PDE1C: variants seen among roughly 807,000 people sequenced by gnomAD.
PDE1C encodes dual specificity calcium/calmodulin-dependent 3',5'-cyclic nucleotide phosphodiesterase 1C.
PDE1C carries 62 observed loss-of-function variants against 93.1 expected under a neutral mutation model. That is an observed-to-expected ratio of 0.67 (90% CI 0.54 to 0.82). The LOEUF is 0.82. Among genes scored for constraint, PDE1C ranks in the 40% least tolerant of loss-of-function variants. The probability of loss-of-function intolerance (pLI) is 0.00; values close to 1 mark genes in which losing one functional copy is unlikely to be tolerated. For synonymous variants in PDE1C, 325 were observed against 310.1 expected (o/e 1.05, Z -0.50); for missense variants, 742 against 884.6 (o/e 0.84, Z 2.04).
chr7:31,919,037 A>T (rs1802284582), intron 2 of PDE1C, among the ~76,000 whole-genome samples: 1 of 152,228 alleles, frequency 6.6e-6, no homozygotes, highest in African/African-American at 2.4e-5. Context: ...TAAATAAATC[A>T]TATTAAGGCA....
At chr7:32,152,744 T>C (rs1442340253) in intron 3 of PDE1C, among the ~76,000 whole-genome samples, 1 of 152,128 alleles carries the variant, frequency 6.6e-6, no homozygotes, top group African/African-American at 2.4e-5. Context: ...AATAGTGATG[T>C]GGGTAAATAA....
chr7:32,070,716 T>TA (rs1189825605), upstream of PDE1C: 10 of 1,170,032 alleles, frequency 8.5e-6, no homozygotes, highest in Non-Finnish European at 1.1e-5. Flanking sequence ...ACCTCGGGTC[T>TA]ATTCGTATTC....
At chr7:31,746,403 A>T (rs79342550), downstream of PDE1C, among the ~76,000 whole-genome samples, 17,834 of 152,200 alleles carry the variant, frequency 0.12, 1,386 homozygotes, top group East Asian at 0.34. Flanking sequence ...GCAGGAGAAT[A>T]TGGGAGTGAC....
chr7:31,754,749 G>A (rs1384765833), intron 17 of PDE1C, among the ~76,000 whole-genome samples: 1 of 152,172 alleles, frequency 6.6e-6, no homozygotes, highest in African/African-American at 2.4e-5. Flanking sequence ...AGGAGGGATG[G>A]TTAAATAGGT....
At chr7:32,239,006 C>G (rs116769301) in intron 1 of PDE1C, among the ~76,000 whole-genome samples, 2,086 of 152,266 alleles carry the variant, frequency 0.014, 53 homozygotes, top group African/African-American at 0.047. Flanking sequence ...GTAGCTCATG[C>G]CTGTAATACC....
At chr7:31,925,009 T>C (rs552039615) in intron 2 of PDE1C, among the ~76,000 whole-genome samples, 9 of 151,956 alleles carry the variant, frequency 5.9e-5, no homozygotes, top group African/African-American at 1.9e-4. Context: ...AATGTATTCC[T>C]ATCCTTGAAG....
chr7:32,002,014 G>A lies in PDE1C; in HGVS notation c.128+49540C>T, dbSNP rs561376199. 5.9e-5 allele frequency among the ~76,000 whole-genome samples: 9 copies of A among 152,202 alleles called. No homozygotes were observed. In the South Asian group the frequency reaches 1.0e-3, roughly 18 times the overall value. On this transcript the variant is annotated intron_variant, in intron 2 of 17. Coordinates refer to ENST00000396191, the MANE Select transcript of PDE1C (RefSeq NM_001191057.4). ...GTGGAGGTTGCAGTGAGCTGAGATC[G>A]TGCCACTACACTCCAGCCTGGGTGA... is the stretch of plus-strand genomic sequence containing the variant.
At chr7:31,914,306 A>G (rs925708949) in intron 2 of PDE1C, among the ~76,000 whole-genome samples, 1 of 152,230 alleles carries the variant, frequency 6.6e-6, no homozygotes, top group Non-Finnish European at 1.5e-5. Flanking sequence ...CAAATATAAT[A>G]GCTTGAATTA....
At chr7:32,171,356 A>C (rs1469236438) in intron 2 of PDE1C, among the ~76,000 whole-genome samples, 2 of 151,944 alleles carry the variant, frequency 1.3e-5, no homozygotes, top group African/African-American at 4.8e-5. Context: ...CTGAGCCTCC[A>C]TATCCATGGG....
intron 6 of PDE1C, among the ~76,000 whole-genome samples, chr7:31,867,383 C>A (rs1340657292): frequency 6.6e-6 from 1 of 152,152 alleles, no homozygotes; most frequent in African/African-American, 2.4e-5. Flanking sequence ...CAGTTCCACA[C>A]CTTCCAGTGC....
chr7:31,735,012 A>G, the PDE1C span, among the ~76,000 whole-genome samples: 1 of 152,220 alleles, frequency 6.6e-6, no homozygotes. Context: ...CTGGGAGCTC[A>G]TTACAAATGC....
intron 16 of PDE1C, chr7:31,785,690 GC>G (rs1257455623): frequency 6.6e-6 from 1 of 152,070 alleles, no homozygotes; most frequent in African/African-American, 2.4e-5. Context: ...ATCTTTAGAG[GC>G]CTGCTTCCCA....
intron 3 of PDE1C, among the ~76,000 whole-genome samples, chr7:32,136,344 T>C (rs1800208497): frequency 1.3e-5 from 2 of 148,492 alleles, no homozygotes; most frequent in Admixed American, 1.3e-4. Flanking sequence ...TTTTATTTAT[T>C]TATTTATTTA....
At chr7:31,864,871 T>C in intron 7 of PDE1C, 71 bp downstream of exon 7, 1 of 1,470,078 alleles carries the variant, frequency 6.8e-7, no homozygotes, top group East Asian at 2.3e-5. Flanking sequence ...CTCATCAGAA[T>C]TGGAACAGTC....
the PDE1C span, chr7:31,643,947 A>C: frequency 1.0e-5 from 16 of 1,607,872 alleles, no homozygotes; most frequent in Non-Finnish European, 3.4e-6. Flanking sequence ...TGAGGGAGCT[A>C]TGTTCCGTAA....
At chr7:32,268,615 CAA>C (rs945810405) in intron 1 of PDE1C, among the ~76,000 whole-genome samples, 2 of 151,690 alleles carry the variant, frequency 1.3e-5, no homozygotes, top group Non-Finnish European at 2.9e-5. Flanking sequence ...CAGAGAGGCT[CAA>C]AGAGAAAATG....
chr7:31,894,355 G>C (rs983408747), intron 2 of PDE1C, among the ~76,000 whole-genome samples: 5 of 152,254 alleles, frequency 3.3e-5, no homozygotes, highest in African/African-American at 1.2e-4. Flanking sequence ...AGCTCAGACA[G>C]CTGTGACACC....
At chr7:32,185,653 T>C (rs1803802111) in intron 2 of PDE1C, among the ~76,000 whole-genome samples, 1 of 152,368 alleles carries the variant, frequency 6.6e-6, no homozygotes, top group Non-Finnish European at 1.5e-5. Flanking sequence ...TGTTTTAATC[T>C]TCATCTACAT....
the PDE1C span, chr7:31,642,121 C>A: frequency 7.5e-7 from 1 of 1,332,762 alleles, no homozygotes; most frequent in Non-Finnish European, 1.0e-6. Flanking sequence ...TGATCCAAGT[C>A]CTGCTGGCTG....
Sources: allele counts gnomAD v4.1 joint callset (sites outside exome capture counted in the v4.1 genomes callset), GRCh38; gene constraint gnomAD v4.1.1; transcripts MANE v1.5; gene names NCBI Gene and HGNC (gene_info 2026-07-23, HGNC 2026-07-21).